Variants in CALN1 observed in about 807,000 individuals in gnomAD.
The protein encoded by CALN1 is calneuron 1, also known as calcium-binding protein 8.
In CALN1, 17 loss-of-function variants were observed where a neutral mutation model predicts 30.6. The ratio of observed to expected loss-of-function variants is 0.56; its 90% CI spans 0.38 to 0.83. The LOEUF (loss-of-function observed/expected upper bound fraction) is 0.83, where lower values mean the gene tolerates loss of function less well. Ranked by LOEUF, CALN1 falls within the 40% of genes least tolerant of loss-of-function variation. The pLI is 0.00. For synonymous variants in CALN1, 156 were observed against 131.4 expected (o/e 1.19, Z -1.28); for missense variants, 291 against 354.9 (o/e 0.82, Z 1.45).
At chr7:72,450,781 G>A (rs1030380227), upstream of CALN1, among the ~76,000 whole-genome samples, 5 of 152,170 alleles carry the variant, frequency 3.3e-5, no homozygotes, top group East Asian at 1.9e-4. Flanking sequence ...TCGGGAGGCT[G>A]AGGCAGAAAT....
At position 71,782,803 on chromosome 7, in the gene CALN1, C is replaced by T. The variant is rs60881868; in HGVS notation, c.*4972G>A. The T allele has an allele frequency of 0.039, 5,866 of 152,234 alleles. 372 individuals carry two copies. Among genetic ancestry groups the T allele is most frequent in the African/African-American group, 0.13 (5,315 of 41,516 alleles). 9.4% of individuals were successfully genotyped at this position (152,234 alleles called of 1,614,324 possible). ...TGTTGCCCAGGCTGGAGTGCAGTGGCGCGATCTCAGCTCACTGCAGCCTCC... is the reference window on the plus strand; with the variant it reads ...TGTTGCCCAGGCTGGAGTGCAGTGGTGCGATCTCAGCTCACTGCAGCCTCC... On this transcript the variant is annotated 3_prime_UTR_variant, in exon 7 of 7. Transcript: ENST00000395275.
At chr7:72,466,316 C>T in the CALN1 span, among the ~76,000 whole-genome samples, 2 of 152,124 alleles carry the variant, frequency 1.3e-5, no homozygotes, top group Non-Finnish European at 2.9e-5. Flanking sequence ...CTGGTTCTGC[C>T]TTCCCGGGTC....
At chr7:72,013,810 A>C (rs540623511) in intron 5 of CALN1, among the ~76,000 whole-genome samples, 48 of 152,090 alleles carry the variant, frequency 3.2e-4, no homozygotes, top group African/African-American at 9.2e-4. Context: ...TAAAGTGAAA[A>C]TATTATTTCT....
At chr7:72,038,830 G>A (rs920988918) in intron 4 of CALN1, among the ~76,000 whole-genome samples, 4 of 152,182 alleles carry the variant, frequency 2.6e-5, no homozygotes, top group Non-Finnish European at 4.4e-5. Flanking sequence ...GTCTAAAAAG[G>A]GGAGGCATAA....
chr7:72,089,613 T>C (rs1805718046), intron 4 of CALN1, among the ~76,000 whole-genome samples: 1 of 152,106 alleles, frequency 6.6e-6, no homozygotes, highest in African/African-American at 2.4e-5. Flanking sequence ...TGAATAATTG[T>C]GAACGGTCCC....
At chr7:72,121,647 G>C (rs939914137) in intron 3 of CALN1, among the ~76,000 whole-genome samples, 1 of 148,482 alleles carries the variant, frequency 6.7e-6, no homozygotes, top group Non-Finnish European at 1.5e-5. Flanking sequence ...GATTCGCTTA[G>C]GATTACATTT....
At chr7:72,483,957 G>A in the CALN1 span, among the ~76,000 whole-genome samples, 6 of 151,660 alleles carry the variant, frequency 4.0e-5, no homozygotes, top group African/African-American at 4.8e-5. Context: ...ACAGAGTCTC[G>A]CCCTGTTGCC....
chr7:72,227,868 G>A (rs554398993), intron 3 of CALN1, among the ~76,000 whole-genome samples: 12 of 149,690 alleles, frequency 8.0e-5, no homozygotes, highest in African/African-American at 2.7e-4. Context: ...CCAGGAGAGC[G>A]TTCCCCAAGC....
intron 4 of CALN1, 117 bp from the exon 5 acceptor site, chr7:72,023,886 A>T (rs1800879814): frequency 4.8e-6 from 3 of 630,800 alleles, no homozygotes; most frequent in Non-Finnish European, 8.3e-6. Flanking sequence ...AATGAAGAAG[A>T]GCTGGTAACA....
At chr7:72,294,896 G>A (rs1192709440) in intron 2 of CALN1, among the ~76,000 whole-genome samples, 4 of 152,102 alleles carry the variant, frequency 2.6e-5, no homozygotes, top group African/African-American at 9.7e-5. Flanking sequence ...ATTAGGCTAT[G>A]AAGGCTAATT....
chr7:72,359,980 A>AAAAAAAAAAAC (rs1803471493), intron 2 of CALN1, among the ~76,000 whole-genome samples: 1 of 150,352 alleles, frequency 6.7e-6, no homozygotes, highest in East Asian at 1.9e-4. Flanking sequence ...CCATCTCAAA[A>AAAAAAAAAAAC]AAAAAAAAAA....
At chr7:72,139,585 C>T (rs1233761142) in intron 3 of CALN1, among the ~76,000 whole-genome samples, 1 of 151,772 alleles carries the variant, frequency 6.6e-6, no homozygotes, top group Admixed American at 6.6e-5. Flanking sequence ...TCGGCCACAC[C>T]CCTTTCTAAG....
Position 72,092,950 on chromosome 7 carries a change from C to T in CALN1, c.388+13201G>A, listed in dbSNP as rs567451221. 3.1e-4 allele frequency among the ~76,000 whole-genome samples: 47 copies of T among 152,104 alleles called. 1 individual carries two copies. The highest frequency in any genetic ancestry group is 3.8e-4 in the Non-Finnish European group (26 of 68,034). The stretch of plus-strand genomic sequence containing the variant: ...TCACAGAGAAAAGACCCAACCAACT[C>T]GCGATGACACACAGTCTGAGTGACA... On this transcript the variant is annotated intron_variant, in intron 4 of 6. Coordinates refer to ENST00000395275, the MANE Select transcript of CALN1 (RefSeq NM_031468.4).
intron 2 of CALN1, among the ~76,000 whole-genome samples, chr7:72,370,945 G>A (rs1471425472): frequency 6.6e-6 from 1 of 151,602 alleles, no homozygotes; most frequent in Non-Finnish European, 1.5e-5. Flanking sequence ...CCACTTGAGA[G>A]GCTGAGGCAT....
intron 5 of CALN1, among the ~76,000 whole-genome samples, chr7:71,886,810 G>A (rs1286073032): frequency 6.6e-6 from 1 of 151,536 alleles, no homozygotes; most frequent in Admixed American, 6.6e-5. Context: ...TGCCTTCTAT[G>A]TTATGGGGTA....
intron 1 of CALN1, among the ~76,000 whole-genome samples, chr7:72,437,749 CCTTTCTTTCCTTCCTTCTTT>C (rs1214632760): frequency 4.8e-5 from 6 of 125,324 alleles, no homozygotes; most frequent in African/African-American, 1.5e-4. Flanking sequence ...ACCCTTCCTT[CCTTTCTTTCCTTCCTTCTTT>C]CTTTCCTTCC....
chr7:72,101,679 A>G (rs146005209), intron 4 of CALN1, among the ~76,000 whole-genome samples: 41 of 152,368 alleles, frequency 2.7e-4, no homozygotes, highest in African/African-American at 9.6e-4. Flanking sequence ...GTCCGGCAAG[A>G]TAACAGGCTA....
chr7:72,310,501 C>T (rs188066695), intron 2 of CALN1, among the ~76,000 whole-genome samples: 12 of 151,790 alleles, frequency 7.9e-5, no homozygotes, highest in African/African-American at 2.9e-4. Flanking sequence ...ATAATATTGA[C>T]ATCACCCTAG....
chr7:71,825,522 T>C (rs780311356), intron 5 of CALN1, among the ~76,000 whole-genome samples: 1 of 152,166 alleles, frequency 6.6e-6, no homozygotes, highest in Non-Finnish European at 1.5e-5. Flanking sequence ...AGAGGTTTAA[T>C]GGACTCACAC....
Sources: gnomAD v4.1 joint callset for allele counts (sites outside exome capture counted in the v4.1 genomes callset) on GRCh38, gnomAD v4.1.1 for gene constraint, MANE v1.5 for transcripts, NCBI Gene and HGNC (gene_info 2026-07-23, HGNC 2026-07-21) for gene names.